The following SORCS1 variants were observed in gnomAD, a reference collection of about 807,000 sequenced individuals.
SORCS1 encodes sortilin related VPS10 domain containing receptor 1, also known as VPS10 domain-containing receptor SorCS1.
A neutral mutation model predicts 146.1 loss-of-function variants in SORCS1; 60 were observed. That is an observed-to-expected ratio of 0.41 (90% CI 0.33 to 0.51). SORCS1 has a LOEUF of 0.51. SORCS1 is among the 20% of genes least tolerant of loss of function. The pLI is 0.21. For synonymous variants in SORCS1, 637 were observed against 584.0 expected (o/e 1.09, Z -1.31); for missense variants, 1,352 against 1,487.6 (o/e 0.91, Z 1.50).
intron 6 of SORCS1, among the ~76,000 whole-genome samples, chr10:106,728,289 T>C (rs1192278113): frequency 1.5e-5 from 2 of 134,910 alleles, no homozygotes; most frequent in African/African-American, 5.3e-5. Context: ...AATGATGTGT[T>C]TACTTTTGCA....
At chr10:106,812,386 C>T (rs1947508849) in intron 3 of SORCS1, among the ~76,000 whole-genome samples, 2 of 152,160 alleles carry the variant, frequency 1.3e-5, no homozygotes, top group Admixed American at 1.3e-4. Context: ...TTAGAGCTTA[C>T]AGTTTATTAT....
chr10:106,643,500 G>A (rs1225733020), intron 18 of SORCS1, among the ~76,000 whole-genome samples: 2 of 152,242 alleles, frequency 1.3e-5, no homozygotes, highest in Non-Finnish European at 2.9e-5. Context: ...ACAATCACAT[G>A]TGAGGTCCTC....
At chr10:106,952,233 T>C (rs958259150) in intron 2 of SORCS1, among the ~76,000 whole-genome samples, 1 of 152,134 alleles carries the variant, frequency 6.6e-6, no homozygotes, top group African/African-American at 2.4e-5. Context: ...CAATAATAGT[T>C]GTCTCAGTGA....
rs1424482176 is a variant in SORCS1, at chr10:107,060,173, GA to G, written c.559-103594del. On this transcript the variant is annotated intron_variant, in intron 1 of 25. Transcript: ENST00000263054. This position sits in a 1 kb window ranked among gnomAD's most constrained non-coding sequence, Gnocchi z 4.1. Reference sequence around the variant, plus strand: ...ATCAGATATGTACACATGCACACTGGAATATTAAAATGTAGACAGAAGGATG... The same window carrying G: ...ATCAGATATGTACACATGCACACTGGATATTAAAATGTAGACAGAAGGATG... Among the ~76,000 whole-genome samples, 10 of 151,820 alleles carry G rather than the reference GA, an allele frequency of 6.6e-5. No homozygotes were observed. The highest frequency in any genetic ancestry group is 1.3e-4 in the Admixed American group (2 of 15,246).
intron 1 of SORCS1, among the ~76,000 whole-genome samples, chr10:107,101,749 A>ATGTGTGTGTGTGTGTG (rs34645920): frequency 1.4e-5 from 2 of 147,246 alleles, no homozygotes; most frequent in Non-Finnish European, 3.0e-5. Context: ...TGGGCTAATT[A>ATGTGTGTGTGTGTGTG]TGTGTGTGTG....
At chr10:107,096,916 T>C (rs916006281) in intron 1 of SORCS1, among the ~76,000 whole-genome samples, 20 of 152,200 alleles carry the variant, frequency 1.3e-4, no homozygotes, top group African/African-American at 4.6e-4. Flanking sequence ...TTCATGTAGA[T>C]TGCCCATCTC....
intron 13 of SORCS1, among the ~76,000 whole-genome samples, chr10:106,676,223 A>C (rs1852014465): frequency 6.6e-6 from 1 of 152,212 alleles, no homozygotes; most frequent in African/African-American, 2.4e-5. Context: ...ATATACGGAG[A>C]GAACCACTTT....
chr10:106,590,832 T>C (rs189844298), intron 24 of SORCS1, among the ~76,000 whole-genome samples: 148 of 152,220 alleles, frequency 9.7e-4, no homozygotes, highest in Non-Finnish European at 1.6e-3. Flanking sequence ...TTATTGTACT[T>C]TTGATAGAGA....
chr10:106,581,976 A>C (rs2133209294), intron 24 of SORCS1, among the ~76,000 whole-genome samples: 1 of 152,350 alleles, frequency 6.6e-6, no homozygotes, highest in East Asian at 1.9e-4. Context: ...ATGCTCTTTC[A>C]GCATAACCAG....
chr10:107,077,809 T>C (rs2134218902), intron 1 of SORCS1, among the ~76,000 whole-genome samples: 2 of 152,050 alleles, frequency 1.3e-5, no homozygotes, highest in South Asian at 2.1e-4. Context: ...ATATACTACA[T>C]ATGGCAATGG....
At chr10:106,638,855 A>G (rs1011399122) in intron 18 of SORCS1, among the ~76,000 whole-genome samples, 1 of 152,166 alleles carries the variant, frequency 6.6e-6, no homozygotes, top group Non-Finnish European at 1.5e-5. Context: ...GTTTATTTGG[A>G]CCTCAATTTC....
chr10:106,655,482 T>G (rs534669168), intron 17 of SORCS1, among the ~76,000 whole-genome samples: 60 of 152,228 alleles, frequency 3.9e-4, no homozygotes, highest in African/African-American at 1.4e-3. Flanking sequence ...TGGGCAGCTA[T>G]AGAAACACTG....
intron 2 of SORCS1, among the ~76,000 whole-genome samples, chr10:106,891,899 G>C (rs999156464): frequency 6.6e-6 from 1 of 152,006 alleles, no homozygotes; most frequent in African/African-American, 2.4e-5. Flanking sequence ...CTTTCATTTC[G>C]TGTGAGGGTC....
At position 106,629,406 on chromosome 10, in the gene SORCS1, A is replaced by G. The variant is rs780151925; in HGVS notation, c.2476-18T>C. On this transcript the variant is annotated intron_variant, in intron 18 of 25. Transcript: ENST00000263054. Reference sequence around the variant, plus strand: ...ACATCACCCTGAAAAACAACCCAACATCAGAGGAAATGAGTTAGTATTCGG... The same window carrying G: ...ACATCACCCTGAAAAACAACCCAACGTCAGAGGAAATGAGTTAGTATTCGG... 6.2e-7 allele frequency: 1 copy of G among 1,612,016 alleles called. No individual in the cohort carries two copies. The highest frequency in any genetic ancestry group is 1.3e-5 in the African/African-American group (1 of 75,040).
intron 22 of SORCS1, among the ~76,000 whole-genome samples, chr10:106,611,208 C>A (rs1415498641): frequency 6.6e-6 from 1 of 152,088 alleles, no homozygotes; most frequent in Non-Finnish European, 1.5e-5. Context: ...TCTGAGAAAC[C>A]TTAGGAAGCT....
intron 2 of SORCS1, among the ~76,000 whole-genome samples, chr10:106,863,224 T>TA (rs1300332244): frequency 2.0e-5 from 3 of 152,050 alleles, no homozygotes; most frequent in African/African-American, 7.2e-5. Flanking sequence ...AAAAATATTA[T>TA]ATGAAATGCT....
At chr10:106,934,100 C>CAAAAAAAAA (rs57432764) in intron 2 of SORCS1, among the ~76,000 whole-genome samples, 28 of 97,268 alleles carry the variant, frequency 2.9e-4, no homozygotes, top group Admixed American at 6.5e-4. Flanking sequence ...TCTCAAAAAA[C>CAAAAAAAAA]AAAAAAAAAA....
chr10:106,938,199 A>G (rs1953850373), intron 2 of SORCS1, among the ~76,000 whole-genome samples: 1 of 152,136 alleles, frequency 6.6e-6, no homozygotes, highest in South Asian at 2.1e-4. Context: ...AGTAGAGAGA[A>G]GAGGGACCAA....
rs187885390 is a variant in SORCS1 at position 106,610,721 on chromosome 10, G to A, written c.3033+1190C>T. Among the ~76,000 whole-genome samples, 24 of 152,226 alleles carry A rather than the reference G, an allele frequency of 1.6e-4. 1 individual carries two copies. The highest frequency in any genetic ancestry group is 8.3e-4 in the South Asian group (4 of 4,822). ...GTGGATAACTCACTTCTGATTTTCCGCGTTTGCACAATAAGCTCAAGCTGC... is the reference window on the plus strand; with the variant it reads ...GTGGATAACTCACTTCTGATTTTCCACGTTTGCACAATAAGCTCAAGCTGC... On this transcript the variant is annotated intron_variant, in intron 22 of 25. Coordinates refer to ENST00000263054, the MANE Select transcript of SORCS1 (RefSeq NM_052918.5).
Sources: allele counts gnomAD v4.1 joint callset (sites outside exome capture counted in the v4.1 genomes callset), GRCh38; gene constraint gnomAD v4.1.1; non-coding constraint Gnocchi (gnomAD v3.1); transcripts MANE v1.5; gene names NCBI Gene and HGNC (gene_info 2026-07-23, HGNC 2026-07-21).